Variants in PALB2 observed in about 807,000 individuals in gnomAD.
The protein encoded by PALB2 is partner and localizer of BRCA2.
PALB2 carries 82 observed loss-of-function variants against 107.4 expected under a neutral mutation model. The observed-to-expected ratio is 0.76, with a 90% CI of 0.64 to 0.92. The LOEUF (loss-of-function observed/expected upper bound fraction) is 0.92. Ranked by LOEUF, PALB2 falls within the 40% of genes least tolerant of loss-of-function variation. The pLI is 0.00. For synonymous variants in PALB2, 489 were observed against 496.8 expected (o/e 0.98, Z 0.21); for missense variants, 1,374 against 1,379.9 (o/e 1.00, Z 0.07).
intron 2 of PALB2, 25 bp downstream of exon 2, chr16:23,638,045 T>C: frequency 1.2e-6 from 2 of 1,610,480 alleles, no homozygotes; most frequent in South Asian, 1.1e-5. Context: ...TATAACACCT[T>C]AATTTGAGAA....
chr16:23,634,967 A>C lies in PALB2; in HGVS notation c.1579T>G (p.Cys527Gly). ...CTAGAAGTTGGCAAAAGTGGTTCACAATGATCTGATGCTGGGGTGCAGGCT... is the reference window on the plus strand; with the variant it reads ...CTAGAAGTTGGCAAAAGTGGTTCACCATGATCTGATGCTGGGGTGCAGGCT... ...KSACTPASDH[C>G]EPLLPTSSLS... Residue 527 changes from cysteine to glycine, a missense_variant, in exon 4 of 13, where the codon TGT becomes GGT. Coordinates refer to ENST00000261584, the MANE Select transcript of PALB2 (RefSeq NM_024675.4). The C allele has an allele frequency of 6.2e-7, 1 of 1,614,184 alleles. No homozygotes were observed. Among genetic ancestry groups the C allele is most frequent in the Middle Eastern group, 1.6e-4 (1 of 6,062 alleles).
intron 1 of PALB2, chr16:23,640,238 A>G (rs1967187431): frequency 5.4e-6 from 1 of 184,840 alleles, no homozygotes; most frequent in African/African-American, 2.3e-5. Context: ...TTACTTATAA[A>G]TGATCTTTCT....
Position 23,603,583 on chromosome 16 carries a change from T to C in PALB2, c.3437A>G (p.Gln1146Arg), listed in dbSNP as rs587780219. The C allele has an allele frequency of 6.2e-7, 1 of 1,614,042 alleles. No individual in the cohort carries two copies. Among genetic ancestry groups the C allele is most frequent in the African/African-American group, 1.3e-5 (1 of 74,926 alleles). The change falls in exon 13 of 13, where the codon CAG becomes CGG. Residue 1146 changes from glutamine (Q) to arginine (R), a missense_variant. Transcript: ENST00000261584. ...GACAGGTGGGAGGAGGGCAGTACAC[T>C]GACCGAGAAGTAAGTCCCAAATGGC... Reference protein sequence around the residue: ...TIAIWDLLLGQCTALLPPVSD... With the variant: ...TIAIWDLLLGRCTALLPPVSD...
intron 4 of PALB2, among the ~76,000 whole-genome samples, chr16:23,634,009 T>C (rs1405061699): frequency 2.0e-5 from 3 of 151,998 alleles, no homozygotes; most frequent in Non-Finnish European, 4.4e-5. Flanking sequence ...AAGCCCAACA[T>C]AGAGTCTTCC....
intron 1 of PALB2, chr16:23,638,584 C>T (rs559531601): frequency 4.4e-6 from 2 of 455,918 alleles, no homozygotes; most frequent in Non-Finnish European, 8.8e-6. Context: ...GTCCAGGTAT[C>T]TCTAGTACCT....
rs118203997 is a variant in PALB2, at chr16:23,634,893, A to T, written c.1653T>A (p.Tyr551Ter). The change falls in exon 4 of 13, where the codon TAT becomes TAA. Residue 551 changes from tyrosine (Y) to a stop codon, truncating the protein, a stop_gained. Transcript: ENST00000261584. LOFTEE classifies it high-confidence loss of function. ...RSKEEVTSHK[Y>*]QHEKLFIQVK... Reference sequence around the variant, plus strand: ...CTTGAATAAATAATTTTTCGTGCTGATATTTGTGTGAGGTGACTTCTTCCT... The same window carrying T: ...CTTGAATAAATAATTTTTCGTGCTGTTATTTGTGTGAGGTGACTTCTTCCT... 2 of 1,613,896 alleles carry T rather than the reference A, an allele frequency of 1.2e-6. No homozygotes were observed. The highest frequency in any genetic ancestry group is 1.7e-6 in the Non-Finnish European group (2 of 1,179,978).
intron 12 of PALB2, 119 bp from the exon 13 acceptor site, chr16:23,603,788 A>G (rs1966410918): frequency 1.2e-6 from 1 of 846,602 alleles, no homozygotes. Context: ...CCCTGTAACT[A>G]TGAATGCCTA....
At chr16:23,641,034 G>C (rs1260981164) in intron 1 of PALB2, 76 bp downstream of exon 1, 4 of 1,546,574 alleles carry the variant, frequency 2.6e-6, no homozygotes, top group Non-Finnish European at 3.5e-6. Context: ...GGACTGCCGA[G>C]GACACAAAGC....
rs886051831 is a variant in PALB2 at position 23,635,813 on chromosome 16, C to T, written c.733G>A (p.Ala245Thr). ...AGAGTCTGTAAAGGAACTGTAGTCG[C>T]CCTGGTGAAATTAGGTCTTCTTAGG... Reference protein sequence around the residue: ...TFLRRPNFTRATTVPLQTLSD... With the variant: ...TFLRRPNFTRTTTVPLQTLSD... The change falls in exon 4 of 13, where the codon GCG (alanine) becomes ACG (threonine). Residue 245 changes from alanine (A) to threonine (T), a missense_variant. Transcript: ENST00000261584. 6.2e-7 allele frequency: 1 copy of T among 1,614,106 alleles called. No homozygotes were observed. The highest frequency in any genetic ancestry group is 8.5e-7 in the Non-Finnish European group (1 of 1,180,032).
intron 1 of PALB2, among the ~76,000 whole-genome samples, chr16:23,639,747 G>A (rs1417804580): frequency 2.0e-5 from 3 of 151,024 alleles, no homozygotes; most frequent in South Asian, 4.2e-4. Flanking sequence ...TTGAACCTGA[G>A]AGGCGGAGGT....
intron 10 of PALB2, among the ~76,000 whole-genome samples, chr16:23,614,365 C>T (rs1966641844): frequency 6.6e-6 from 1 of 152,142 alleles, no homozygotes; most frequent in Non-Finnish European, 1.5e-5. Context: ...TCATCTCATT[C>T]AACCTGGTAT....
At chr16:23,608,132 T>G (rs1009245407) in intron 11 of PALB2, 120 bp from the exon 12 acceptor site, 9 of 1,118,324 alleles carry the variant, frequency 8.0e-6, no homozygotes, top group Non-Finnish European at 1.2e-5. Flanking sequence ...CTCTGAAGTA[T>G]CCAGGATTTA....
intron 11 of PALB2, among the ~76,000 whole-genome samples, chr16:23,611,905 TG>T (rs1221580512): frequency 5.9e-5 from 9 of 152,218 alleles, no homozygotes; most frequent in Non-Finnish European, 4.4e-5. Context: ...CCACTACACC[TG>T]GCCACAACTG....
chr16:23,623,501 CTTTTTTTTTTT>C (rs1189941589), intron 8 of PALB2, among the ~76,000 whole-genome samples: 3 of 62,548 alleles, frequency 4.8e-5, no homozygotes, highest in East Asian at 4.8e-4. Context: ...CATACCCGGC[CTTTTTTTTTTT>C]TTTTTTTTTT....
At chr16:23,627,321 A>G (rs1330370403) in intron 6 of PALB2, among the ~76,000 whole-genome samples, 1 of 151,636 alleles carries the variant, frequency 6.6e-6, no homozygotes, top group African/African-American at 2.4e-5. Flanking sequence ...CCCCGTCTCT[A>G]CTAAAAATAC....
At position 23,621,307 on chromosome 16, in the gene PALB2, A is replaced by G. The variant is rs1393988094; in HGVS notation, c.3113+55T>C. On this transcript the variant is annotated intron_variant, in intron 10 of 12. Transcript: ENST00000261584. ...CTTCACAACAACCCTGTAAAATTAGAGGTATATCCTCATACTACAGATGAG... is the reference window on the plus strand; with the variant it reads ...CTTCACAACAACCCTGTAAAATTAGGGGTATATCCTCATACTACAGATGAG... The G allele has an allele frequency of 2.7e-6, 3 of 1,095,978 alleles. No individual in the cohort carries two copies. The East Asian group carries it at 7.1e-5, about 26-fold the overall frequency. 67.9% of individuals were successfully genotyped at this position (1,095,978 alleles called of 1,614,324 possible). A position where few individuals can be genotyped will look rare whatever the true frequency, so the allele number is the denominator to read the frequency against.
At chr16:23,641,008 T>TG in intron 1 of PALB2, 102 bp downstream of exon 1, 1 of 1,353,000 alleles carries the variant, frequency 7.4e-7, no homozygotes. Flanking sequence ...GGTGGTCAGA[T>TG]GATACTGCTG....
chr16:23,616,346 A>G (rs1262075772), intron 10 of PALB2, among the ~76,000 whole-genome samples: 1 of 152,224 alleles, frequency 6.6e-6, no homozygotes. Flanking sequence ...ACAGAATTCT[A>G]TGGGCCAGAT....
intron 1 of PALB2, chr16:23,638,508 T>C: frequency 2.2e-6 from 1 of 463,470 alleles, no homozygotes; most frequent in Admixed American, 2.4e-5. Context: ...ATCCAGATCC[T>C]TGAAGGTAGC....
Sources: gnomAD v4.1 joint callset for allele counts (sites outside exome capture counted in the v4.1 genomes callset) on GRCh38, gnomAD v4.1.1 for gene constraint, MANE v1.5 for transcripts, NCBI Gene and HGNC (gene_info 2026-07-23, HGNC 2026-07-21) for gene names.